Variants in SEZ6L observed in about 807,000 individuals in gnomAD.
The protein encoded by SEZ6L is seizure related 6 homolog like.
In SEZ6L, 37 loss-of-function variants were observed where a neutral mutation model predicts 106.2. The ratio of observed to expected loss-of-function variants is 0.35; its 90% CI spans 0.27 to 0.46. The LOEUF is 0.46. Among genes scored for constraint, SEZ6L ranks in the 20% least tolerant of loss-of-function variants. The pLI, the probability that SEZ6L is intolerant of heterozygous loss-of-function variation, is 1.00. For synonymous variants in SEZ6L, 541 were observed against 570.4 expected (o/e 0.95, Z 0.73); for missense variants, 1,172 against 1,332.8 (o/e 0.88, Z 1.88).
intron 6 of SEZ6L, among the ~76,000 whole-genome samples, chr22:26,306,845 T>A (rs932160616): frequency 1.3e-5 from 2 of 152,246 alleles, no homozygotes; most frequent in African/African-American, 4.8e-5. Flanking sequence ...TTCTAGAATA[T>A]TCTGGATTAT....
chr22:26,278,794 G>A (rs375090793), intron 1 of SEZ6L, among the ~76,000 whole-genome samples: 14 of 149,280 alleles, frequency 9.4e-5, no homozygotes, highest in Admixed American at 7.3e-4. Context: ...GGAAGGAAGG[G>A]AGGGAGGAAG....
intron 6 of SEZ6L, among the ~76,000 whole-genome samples, chr22:26,306,972 G>C (rs942175794): frequency 2.6e-5 from 4 of 152,196 alleles, no homozygotes; most frequent in African/African-American, 9.7e-5. Flanking sequence ...AGAGGAAGTA[G>C]TTCACTGGGG....
intron 1 of SEZ6L, among the ~76,000 whole-genome samples, chr22:26,178,176 G>T (rs940814391): frequency 6.6e-6 from 1 of 152,154 alleles, no homozygotes; most frequent in African/African-American, 2.4e-5. Context: ...CATGAAAGAG[G>T]CTTTGGTAGA....
intron 3 of SEZ6L, among the ~76,000 whole-genome samples, chr22:26,294,829 T>G (rs1315747906): frequency 1.3e-5 from 2 of 151,280 alleles, no homozygotes; most frequent in Non-Finnish European, 2.9e-5. Flanking sequence ...CTTTCTTTCT[T>G]GCTTGCTTGC....
At chr22:26,248,431 T>C (rs1270053356) in intron 1 of SEZ6L, among the ~76,000 whole-genome samples, 1 of 152,198 alleles carries the variant, frequency 6.6e-6, no homozygotes, top group Non-Finnish European at 1.5e-5. Context: ...CATACCTCAC[T>C]GTAACCTCGA....
chr22:26,207,910 A>ATTTTTTTTTTTTTT lies in SEZ6L; in HGVS notation c.94+38151_94+38164dup, dbSNP rs134772. Among the ~76,000 whole-genome samples, 4 of 138,496 alleles carry ATTTTTTTTTTTTTT rather than the reference A, an allele frequency of 2.9e-5. No individual in the cohort carries two copies. In the South Asian group the frequency reaches 9.5e-4, roughly 33 times the overall value. The allele number at this position is 138,496 out of a possible 152,430, so 90.9% of individuals were successfully genotyped here. The stretch of plus-strand genomic sequence containing the variant: ...ATTTTTGCTTTAAATATTCATGTGT[A>ATTTTTTTTTTTTTT]TTTTTTTTTTTTTTTTTGAGACGGA... On this transcript the variant is annotated intron_variant, in intron 1 of 16. Transcript: ENST00000248933.
chr22:26,274,850 A>G (rs924565935), intron 1 of SEZ6L, among the ~76,000 whole-genome samples: 1 of 152,212 alleles, frequency 6.6e-6, no homozygotes, highest in Non-Finnish European at 1.5e-5. Flanking sequence ...CCAGGGTTTT[A>G]TCTGGGGTTG....
intron 9 of SEZ6L, among the ~76,000 whole-genome samples, chr22:26,320,491 T>A: frequency 6.6e-6 from 1 of 152,228 alleles, no homozygotes; most frequent in East Asian, 1.9e-4. Flanking sequence ...TTAATCATCA[T>A]GGACATGTGA....
At chr22:26,275,747 C>A (rs1433127059) in intron 1 of SEZ6L, among the ~76,000 whole-genome samples, 2 of 152,200 alleles carry the variant, frequency 1.3e-5, no homozygotes, top group East Asian at 3.8e-4. Context: ...CCACCTTTTT[C>A]TGCAGTCTAG....
At chr22:26,172,390 A>T (rs981076399) in intron 1 of SEZ6L, among the ~76,000 whole-genome samples, 1 of 152,264 alleles carries the variant, frequency 6.6e-6, no homozygotes, top group Non-Finnish European at 1.5e-5. Context: ...TTAGGTATTA[A>T]GAAAATAATG....
intron 14 of SEZ6L, among the ~76,000 whole-genome samples, chr22:26,374,689 G>T (rs1050257508): frequency 7.2e-5 from 11 of 152,176 alleles, no homozygotes; most frequent in African/African-American, 1.9e-4. Flanking sequence ...TTATAGATTG[G>T]TGTACAGCCA....
At chr22:26,206,807 G>A (rs1374134625) in intron 1 of SEZ6L, among the ~76,000 whole-genome samples, 1 of 152,202 alleles carries the variant, frequency 6.6e-6, no homozygotes, top group African/African-American at 2.4e-5. Context: ...ATCAGAGAAA[G>A]TTAGATGAAC....
chr22:26,326,693 G>A (rs937990076), intron 9 of SEZ6L, among the ~76,000 whole-genome samples: 4 of 152,182 alleles, frequency 2.6e-5, no homozygotes, highest in African/African-American at 9.7e-5. Flanking sequence ...CATCCTGAAG[G>A]CAGCCAGCCT....
intron 4 of SEZ6L, among the ~76,000 whole-genome samples, chr22:26,298,303 A>G (rs1412231381): frequency 6.6e-6 from 1 of 152,210 alleles, no homozygotes; most frequent in Non-Finnish European, 1.5e-5. Context: ...AGGGTGAAGA[A>G]GCTAGGATGA....
At chr22:26,220,500 T>G (rs1366060780) in intron 1 of SEZ6L, among the ~76,000 whole-genome samples, 1 of 152,194 alleles carries the variant, frequency 6.6e-6, no homozygotes, top group African/African-American at 2.4e-5. Context: ...GCAGGGCTCC[T>G]GACTCTCCAC....
intron 1 of SEZ6L, among the ~76,000 whole-genome samples, chr22:26,280,487 A>G (rs772994067): frequency 2.0e-5 from 3 of 152,202 alleles, no homozygotes; most frequent in African/African-American, 4.8e-5. Flanking sequence ...CACGAAAGGT[A>G]GCATACTCTG....
At chr22:26,183,534 GA>G (rs200645485) in intron 1 of SEZ6L, among the ~76,000 whole-genome samples, 1 of 151,220 alleles carries the variant, frequency 6.6e-6, no homozygotes, top group Non-Finnish European at 1.5e-5. Context: ...ACTTCAACAA[GA>G]AAAAAAAATC....
chr22:26,260,497 A>G (rs2079965220), intron 1 of SEZ6L, among the ~76,000 whole-genome samples: 1 of 152,176 alleles, frequency 6.6e-6, no homozygotes, highest in Non-Finnish European at 1.5e-5. Flanking sequence ...GTAATATTCC[A>G]TCATATATAC....
intron 1 of SEZ6L, among the ~76,000 whole-genome samples, chr22:26,266,081 G>A (rs1172522927): frequency 6.6e-6 from 1 of 152,150 alleles, no homozygotes; most frequent in Non-Finnish European, 1.5e-5. Context: ...AAGGTTCTGG[G>A]TAGGACCAGC....
Sources: gnomAD v4.1 joint callset for allele counts (sites outside exome capture counted in the v4.1 genomes callset) on GRCh38, gnomAD v4.1.1 for gene constraint, MANE v1.5 for transcripts, NCBI Gene and HGNC (gene_info 2026-07-23, HGNC 2026-07-21) for gene names.